The following TSPAN3 variants were observed in gnomAD, a reference collection of about 807,000 sequenced individuals.
The protein encoded by TSPAN3 is tetraspanin-3.
A neutral mutation model predicts 31.1 loss-of-function variants in TSPAN3; 9 were observed. The observed-to-expected ratio is 0.29, with a 90% confidence interval of 0.17 to 0.50. TSPAN3 has a LOEUF of 0.50. Among genes scored for constraint, TSPAN3 ranks in the 20% least tolerant of loss-of-function variants. TSPAN3 has a pLI of 0.98. For missense variants in TSPAN3, 252 were observed against 313.5 expected (o/e 0.80, Z 1.48); for synonymous variants, 129 against 114.3 (o/e 1.13, Z -0.82).
In TSPAN3 at chr15:77,071,047, G is replaced by C; in HGVS notation, c.-93C>G. On this transcript the variant is annotated 5_prime_UTR_variant, in exon 1 of 7. Transcript: ENST00000267970. ...CGGCGGCGCCTCCTCGCTAGGAACTGCACGGCCTGCGCGGCGCTCCCCGCA... is the reference window on the plus strand; with the variant it reads ...CGGCGGCGCCTCCTCGCTAGGAACTCCACGGCCTGCGCGGCGCTCCCCGCA... The C allele has an allele frequency of 1.1e-6, 1 of 893,086 alleles. No homozygotes were observed. Among genetic ancestry groups the C allele is most frequent in the South Asian group, 3.2e-5 (1 of 31,734 alleles). 55.3% of individuals were successfully genotyped at this position (893,086 alleles called of 1,614,324 possible).
At position 77,041,513 on chromosome 15, in the gene TSPAN3, T is replaced by C. The variant is rs1238843464; in HGVS notation, c.*5322A>G. The stretch of plus-strand genomic sequence containing the variant: ...GATTCTCCTGCCTCAGCCTCCCAAG[T>C]AGCTGGGATTACAGGTGCATGCCAC... On this transcript the variant is annotated 3_prime_UTR_variant, in exon 7 of 7. Transcript: ENST00000267970. 2.6e-5 allele frequency: 4 copies of C among 152,022 alleles called. No individual in the cohort carries two copies. The highest frequency in any genetic ancestry group is 5.9e-5 in the Non-Finnish European group (4 of 68,054). The allele number at this position is 152,022 out of a possible 1,614,324, so 9.4% of individuals were successfully genotyped here. A position where few individuals can be genotyped will look rare whatever the true frequency, so the allele number is the denominator to read the frequency against.
intron 1 of TSPAN3, chr15:77,063,365 A>G (rs575380384): frequency 6.6e-6 from 1 of 151,960 alleles, no homozygotes; most frequent in African/African-American, 2.4e-5. Context: ...ACTCACCACT[A>G]TACTAATGAG....
chr15:77,049,536 T>C (rs1244774542), intron 6 of TSPAN3, among the ~76,000 whole-genome samples: 1 of 152,216 alleles, frequency 6.6e-6, no homozygotes, highest in Non-Finnish European at 1.5e-5. Context: ...AAATTCATAA[T>C]TGATCATGAG....
At chr15:77,050,010 T>C (rs1229765259) in intron 6 of TSPAN3, among the ~76,000 whole-genome samples, 1 of 152,164 alleles carries the variant, frequency 6.6e-6, no homozygotes, top group Admixed American at 6.5e-5. Flanking sequence ...ACACTATCCT[T>C]GCTCACCCAA....
Position 77,052,795 on chromosome 15 carries a change from A to C in TSPAN3, c.567T>G (p.Pro189=). ...ASNCNGSLAH[P]SDLYAEGCEA... Reference sequence around the variant, plus strand: ...GACTCACCTCAGCATAGAGGTCGGAAGGGTGGGCCAGGCTGCCATTACAAT... The same window carrying C: ...GACTCACCTCAGCATAGAGGTCGGACGGGTGGGCCAGGCTGCCATTACAAT... The change falls in exon 5 of 7, where the codon CCT becomes CCG. Residue 189 remains proline (P), a synonymous_variant. Coordinates refer to ENST00000267970, the MANE Select transcript of TSPAN3 (RefSeq NM_005724.6). 1.2e-6 allele frequency: 2 copies of C among 1,614,108 alleles called. No individual in the cohort carries two copies. The highest frequency in any genetic ancestry group is 1.7e-6 in the Non-Finnish European group (2 of 1,179,994).
At chr15:77,047,503 C>T (rs537863736) in intron 6 of TSPAN3, among the ~76,000 whole-genome samples, 2 of 151,746 alleles carry the variant, frequency 1.3e-5, no homozygotes, top group South Asian at 4.2e-4. Flanking sequence ...AATTCTGATG[C>T]CAAAAAAAAT....
chr15:77,056,337 T>C, intron 1 of TSPAN3, 82 bp from the exon 2 acceptor site: 2 of 1,121,690 alleles, frequency 1.8e-6, no homozygotes, highest in Non-Finnish European at 2.5e-6. Flanking sequence ...TATAATTTAA[T>C]GAGAGTTACC....
chr15:77,055,707 G>T, intron 3 of TSPAN3, 82 bp downstream of exon 3: 1 of 1,093,088 alleles, frequency 9.1e-7, no homozygotes, highest in South Asian at 1.5e-5. Context: ...TGTTTACTCT[G>T]ATAAAATGAA....
At chr15:77,047,637 T>C (rs986988480) in intron 6 of TSPAN3, among the ~76,000 whole-genome samples, 3 of 152,246 alleles carry the variant, frequency 2.0e-5, no homozygotes, top group Admixed American at 6.5e-5. Flanking sequence ...CAATAAGTCC[T>C]AAACCTTCTG....
chr15:77,054,217 AGGG>A lies in TSPAN3; in HGVS notation c.390_392del (p.Pro131del). 1 of 1,614,026 alleles carries A rather than the reference AGGG, an allele frequency of 6.2e-7. No individual in the cohort carries two copies. The highest frequency in any genetic ancestry group is 8.5e-7 in the Non-Finnish European group (1 of 1,179,940). On this transcript the variant is annotated inframe_deletion, in exon 4 of 7. Coordinates refer to ENST00000267970, the MANE Select transcript of TSPAN3 (RefSeq NM_005724.6). ...AATCAATAGCCCGGCTAGCAGCATC[AGGG>A]TTGGTTCCATTGTAGGTCTTATACA...
intron 3 of TSPAN3, 127 bp downstream of exon 3, chr15:77,055,662 T>C: frequency 1.4e-6 from 1 of 720,994 alleles, no homozygotes; most frequent in Non-Finnish European, 2.3e-6. Flanking sequence ...TTTAGATATT[T>C]GAAATACAGA....
chr15:77,070,093 G>C (rs1415955545), intron 1 of TSPAN3: 2 of 152,090 alleles, frequency 1.3e-5, no homozygotes, highest in African/African-American at 2.4e-5. Context: ...AACAACTTAG[G>C]TTACTATAAA....
intron 6 of TSPAN3, among the ~76,000 whole-genome samples, chr15:77,051,748 C>T (rs1004618159): frequency 6.6e-6 from 1 of 151,546 alleles, no homozygotes; most frequent in Non-Finnish European, 1.5e-5. Context: ...GTCCCAGCTA[C>T]TGGAGAGGCT....
intron 6 of TSPAN3, 48 bp downstream of exon 6, chr15:77,052,337 C>A: frequency 6.5e-7 from 1 of 1,548,170 alleles, no homozygotes; most frequent in Non-Finnish European, 8.9e-7. Context: ...GGGCTGACAA[C>A]AGAGAACCAA....
chr15:77,052,970 A>C, intron 4 of TSPAN3, 41 bp from the exon 5 acceptor site: 1 of 1,578,138 alleles, frequency 6.3e-7, no homozygotes, highest in Non-Finnish European at 8.6e-7. Context: ...CACAAAAACC[A>C]AATACCTGAA....
chr15:77,064,206 T>C (rs1414986582), intron 1 of TSPAN3: 1 of 152,144 alleles, frequency 6.6e-6, no homozygotes, highest in Non-Finnish European at 1.5e-5. Flanking sequence ...AAAGACTTAC[T>C]TGAGACCAGC....
At chr15:77,047,079 G>A (rs994956937) in intron 6 of TSPAN3, 152 bp from the exon 7 acceptor site, 11 of 585,462 alleles carry the variant, frequency 1.9e-5, no homozygotes, top group South Asian at 1.6e-4. Flanking sequence ...AATTTCTTAT[G>A]AGTACATTAT....
chr15:77,070,439 C>A (rs1412011059), intron 1 of TSPAN3, among the ~76,000 whole-genome samples: 1 of 152,024 alleles, frequency 6.6e-6, no homozygotes, highest in Non-Finnish European at 1.5e-5. Context: ...AGCGTCCCCG[C>A]GGATCTGCCC....
intron 1 of TSPAN3, among the ~76,000 whole-genome samples, chr15:77,056,885 A>G (rs2076772012): frequency 6.6e-6 from 1 of 152,208 alleles, no homozygotes; most frequent in South Asian, 2.1e-4. Context: ...TTTGAAGTGA[A>G]TAGGAATTGC....
Sources: gnomAD v4.1 joint callset for allele counts (sites outside exome capture counted in the v4.1 genomes callset) on GRCh38, gnomAD v4.1.1 for gene constraint, MANE v1.5 for transcripts, NCBI Gene and HGNC (gene_info 2026-07-23, HGNC 2026-07-21) for gene names.